Variants in COL4A4 observed in about 807,000 individuals in gnomAD.
The protein encoded by COL4A4 is collagen alpha-4(IV) chain.
A neutral mutation model predicts 192.9 loss-of-function variants in COL4A4; 105 were observed. That is an observed-to-expected ratio of 0.54 (90% CI 0.46 to 0.64). The LOEUF is 0.64. Ranked by LOEUF, COL4A4 falls within the 30% of genes least tolerant of loss-of-function variation. The pLI is 0.00. For missense variants in COL4A4, 1,967 were observed against 2,169.3 expected, an observed-to-expected ratio of 0.91 and a Z score of 1.85; for synonymous variants, 762 against 769.9, an observed-to-expected ratio of 0.99 and a Z score of 0.17.
At chr2:226,987,427 T>C in the COL4A4 span, among the ~76,000 whole-genome samples, 1 of 152,154 alleles carries the variant, frequency 6.6e-6, no homozygotes, top group Admixed American at 6.5e-5. Flanking sequence ...CATGGCTGCT[T>C]CTGTGCCCAG....
chr2:227,008,847 G>C (rs755206894), intron 46 of COL4A4, among the ~76,000 whole-genome samples: 1 of 152,192 alleles, frequency 6.6e-6, no homozygotes, highest in South Asian at 2.1e-4. Context: ...AGGAGAGGGT[G>C]TCTGCACTGT....
chr2:227,086,760 A>G (rs1195296920), intron 22 of COL4A4, among the ~76,000 whole-genome samples: 1 of 152,240 alleles, frequency 6.6e-6, no homozygotes, highest in Non-Finnish European at 1.5e-5. Flanking sequence ...TTTTAGAGCC[A>G]TTAAAATCTT....
chr2:227,110,300 T>C (rs1365046103), intron 9 of COL4A4, among the ~76,000 whole-genome samples: 1 of 152,222 alleles, frequency 6.6e-6, no homozygotes, highest in Non-Finnish European at 1.5e-5. Flanking sequence ...TCACATTTAT[T>C]ACATGGACCT....
At chr2:227,137,604 T>C (rs2062904498) in intron 4 of COL4A4, among the ~76,000 whole-genome samples, 2 of 152,214 alleles carry the variant, frequency 1.3e-5, no homozygotes, top group South Asian at 4.1e-4. Flanking sequence ...GACTGTCCTG[T>C]GCATTGTAAG....
Position 227,159,233 on chromosome 2 carries a change from C to T in COL4A4, c.-102+4774G>A, listed in dbSNP as rs537997113. Among the ~76,000 whole-genome samples, 13 of 152,202 alleles carry T rather than the reference C, an allele frequency of 8.5e-5. No homozygotes were observed. The South Asian group carries it at 1.7e-3, about 19-fold the overall frequency. On this transcript the variant is annotated intron_variant, in intron 1 of 47. Transcript: ENST00000396625. ...TAAGATAGTATACACGGTATAATTC[C>T]GTCAACACAAAATTCTAGAAAATGC...
At chr2:227,059,109 G>A (rs1976225388) in intron 28 of COL4A4, among the ~76,000 whole-genome samples, 2 of 152,168 alleles carry the variant, frequency 1.3e-5, no homozygotes, top group Admixed American at 1.3e-4. Flanking sequence ...CCCCAGACAG[G>A]TTACACAGTC....
intron 4 of COL4A4, among the ~76,000 whole-genome samples, chr2:227,133,658 G>A: frequency 6.6e-6 from 1 of 152,112 alleles, no homozygotes; most frequent in East Asian, 1.9e-4. Context: ...TTGGGACGCT[G>A]AGGTTGGCAG....
intron 44 of COL4A4, among the ~76,000 whole-genome samples, chr2:227,013,947 T>C (rs1964351061): frequency 6.6e-6 from 1 of 152,040 alleles, no homozygotes; most frequent in Non-Finnish European, 1.5e-5. Context: ...CGAAACCCTC[T>C]ACCCTTAAAG....
At chr2:227,156,270 G>T (rs769252455) in intron 1 of COL4A4, among the ~76,000 whole-genome samples, 1 of 151,822 alleles carries the variant, frequency 6.6e-6, no homozygotes, top group Non-Finnish European at 1.5e-5. Context: ...TGGGTTGCAC[G>T]TGCCTGTATT....
chr2:227,035,932 C>T (rs1446571838), intron 37 of COL4A4, among the ~76,000 whole-genome samples: 1 of 152,110 alleles, frequency 6.6e-6, no homozygotes, highest in Non-Finnish European at 1.5e-5. Context: ...CCTTATCTGA[C>T]CCAATGTTAT....
intron 31 of COL4A4, among the ~76,000 whole-genome samples, chr2:227,052,837 A>T (rs1161646944): frequency 6.6e-6 from 1 of 152,186 alleles, no homozygotes; most frequent in Non-Finnish European, 1.5e-5. Context: ...ACAGACACTT[A>T]TCTCAATGTG....
rs775358063 is a variant in COL4A4 at position 227,104,010 on chromosome 2, C to T, written c.778G>A (p.Val260Ile). The T allele has an allele frequency of 1.9e-4, 302 of 1,613,396 alleles. 1 individual carries two copies. The highest frequency in any genetic ancestry group is 2.3e-4 in the Non-Finnish European group (267 of 1,179,960). Residue 260 changes from valine (V) to isoleucine (I), a missense_variant, in exon 13 of 48, where the codon GTA (valine) becomes ATA (isoleucine). Transcript: ENST00000396625. ...QQGSPGPTLL[V>I]EPPDFCLYKG... ...TAGAGACAAAAGTCAGGTGGCTCTA[C>T]CAACAGGGTGGGTCCAGGAGAACCT... is the stretch of plus-strand genomic sequence containing the variant.
In COL4A4 at chr2:227,098,766, A is replaced by G; in HGVS notation, c.1132T>C (p.Tyr378His). The change falls in exon 19 of 48, where the codon TAT becomes CAT. Residue 378 changes from tyrosine (Y) to histidine (H), a missense_variant. Tyr to His is a moderately conservative substitution (Grantham distance 83). Coordinates refer to ENST00000396625, the MANE Select transcript of COL4A4 (RefSeq NM_000092.5). ...GGTCCAACATCCCCTGTTTCTCCAT[A>G]GCGGCCAGGGAACCCTGGGTCCCCT... ...PPGDPGFPGR[Y>H]GETGDVGPPG... 1.9e-6 allele frequency: 3 copies of G among 1,614,072 alleles called. No individual in the cohort carries two copies. Among genetic ancestry groups the G allele is most frequent in the Non-Finnish European group, 2.5e-6 (3 of 1,179,980 alleles).
chr2:227,087,213 C>T (rs928620048), intron 22 of COL4A4, among the ~76,000 whole-genome samples: 3 of 152,314 alleles, frequency 2.0e-5, no homozygotes, highest in African/African-American at 7.2e-5. Context: ...CAAATGAGAA[C>T]CACCTTGAGG....
chr2:227,010,441 C>T lies in COL4A4; in HGVS notation c.4394G>A (p.Gly1465Asp), dbSNP rs533297350. ...CTGACTGTGGAGAACCAGGAGGAAGCCACCGAGGTATCCAGGGCCAAACCC... is the reference window on the plus strand; with the variant it reads ...CTGACTGTGGAGAACCAGGAGGAAGTCACCGAGGTATCCAGGGCCAAACCC... ...PKGFGPGYLG[G>D]FLLVLHSQTD... The change falls in exon 46 of 48, where the codon GGC (glycine) becomes GAC (aspartate). Residue 1465 changes from glycine (G) to aspartate (D), a missense_variant. Coordinates refer to ENST00000396625, the MANE Select transcript of COL4A4 (RefSeq NM_000092.5). 4.2e-5 allele frequency: 68 copies of T among 1,613,458 alleles called. 1 individual carries two copies. In the South Asian group the frequency reaches 4.6e-4, roughly 11 times the overall value.
At chr2:227,010,609 G>T in intron 45 of COL4A4, 108 bp from the exon 46 acceptor site, 1 of 871,702 alleles carries the variant, frequency 1.1e-6, no homozygotes, top group South Asian at 2.1e-5. Flanking sequence ...GGAGCAGAGG[G>T]GAGCATGACT....
chr2:227,032,575 ATAAG>A (rs1343843160), intron 38 of COL4A4, among the ~76,000 whole-genome samples: 2 of 152,380 alleles, frequency 1.3e-5, no homozygotes, highest in East Asian at 3.9e-4. Context: ...ATGAGATACA[ATAAG>A]TAATTATGCA....
intron 31 of COL4A4, among the ~76,000 whole-genome samples, chr2:227,054,104 T>C (rs753690076): frequency 6.6e-6 from 1 of 152,246 alleles, no homozygotes; most frequent in East Asian, 1.9e-4. Flanking sequence ...AAATACCATC[T>C]TACTGAAAAT....
intron 3 of COL4A4, 69 bp downstream of exon 3, chr2:227,144,447 T>C: frequency 2.2e-6 from 3 of 1,358,144 alleles, no homozygotes; most frequent in South Asian, 1.2e-5. Flanking sequence ...TCTTTGAAAG[T>C]ATAACAAAAA....
Sources: allele counts gnomAD v4.1 joint callset (sites outside exome capture counted in the v4.1 genomes callset), GRCh38; gene constraint gnomAD v4.1.1; transcripts MANE v1.5; gene names NCBI Gene and HGNC (gene_info 2026-07-23, HGNC 2026-07-21).